Variants in RYR3 observed in about 807,000 individuals in gnomAD.
RYR3 encodes ryanodine receptor 3, also known as brain ryanodine receptor-calcium release channel.
A neutral mutation model predicts 584.3 loss-of-function variants in RYR3; 207 were observed. The observed-to-expected ratio is 0.35, with a 90% CI of 0.32 to 0.40. The LOEUF (loss-of-function observed/expected upper bound fraction) is 0.40. Among genes scored for constraint, RYR3 ranks in the 10% least tolerant of loss-of-function variants. The pLI is 1.00. For synonymous variants in RYR3, 2,416 were observed against 2,248.5 expected, an observed-to-expected ratio of 1.07 and a Z score of -2.11; for missense variants, 5,616 against 6,089.2, an observed-to-expected ratio of 0.92 and a Z score of 2.59.
chr15:33,504,841 A>G (rs548028465), intron 3 of RYR3, among the ~76,000 whole-genome samples: 68 of 152,216 alleles, frequency 4.5e-4, no homozygotes, highest in Admixed American at 2.7e-3. Context: ...TTCCTTCCAC[A>G]TGGAACAGCT....
At chr15:33,600,890 A>T (rs546650210) in intron 16 of RYR3, among the ~76,000 whole-genome samples, 2 of 152,244 alleles carry the variant, frequency 1.3e-5, no homozygotes, top group South Asian at 4.1e-4. Flanking sequence ...AGGCCTTAAA[A>T]TTTTGTTAAG....
At chr15:33,537,580 G>T (rs150984608) in intron 5 of RYR3, among the ~76,000 whole-genome samples, 2 of 152,280 alleles carry the variant, frequency 1.3e-5, no homozygotes, top group African/African-American at 2.4e-5. Context: ...CTAGCCAGTG[G>T]TCTGACTGTT....
At chr15:33,731,137 G>T (rs755087394) in intron 47 of RYR3, among the ~76,000 whole-genome samples, 3 of 152,078 alleles carry the variant, frequency 2.0e-5, no homozygotes, top group Non-Finnish European at 2.9e-5. Flanking sequence ...CAAAATGTTG[G>T]GTTAGACTGG....
At chr15:33,409,265 T>C (rs967571700) in intron 1 of RYR3, among the ~76,000 whole-genome samples, 2 of 151,846 alleles carry the variant, frequency 1.3e-5, no homozygotes, top group African/African-American at 4.8e-5. Flanking sequence ...ACATGTGCCA[T>C]GTTGGTGTGC....
At chr15:33,807,469 C>A in intron 69 of RYR3, 86 bp from the exon 70 acceptor site, 1 of 1,317,662 alleles carries the variant, frequency 7.6e-7, no homozygotes, top group Non-Finnish European at 1.1e-6. Context: ...GAAGCTATAA[C>A]TAACATATGG....
intron 75 of RYR3, among the ~76,000 whole-genome samples, chr15:33,818,035 G>A (rs1217873233): frequency 6.6e-6 from 1 of 152,212 alleles, no homozygotes; most frequent in African/African-American, 2.4e-5. Flanking sequence ...GGAGCAACAA[G>A]AATTTTAGAA....
At chr15:33,593,120 A>G (rs915099636) in intron 16 of RYR3, among the ~76,000 whole-genome samples, 4 of 152,228 alleles carry the variant, frequency 2.6e-5, no homozygotes, top group East Asian at 1.9e-4. Context: ...AAAGGAGGCA[A>G]TCAGATATGC....
intron 3 of RYR3, 32 bp from the exon 4 acceptor site, chr15:33,530,560 T>TGTGC (rs757241890): frequency 2.6e-6 from 4 of 1,514,948 alleles, no homozygotes; most frequent in Non-Finnish European, 3.7e-6. Context: ...ACAACGGGCA[T>TGTGC]GTGCTGACCT....
At chr15:33,793,649 G>C (rs544864222) in intron 67 of RYR3, among the ~76,000 whole-genome samples, 1 of 152,134 alleles carries the variant, frequency 6.6e-6, no homozygotes, top group South Asian at 2.1e-4. Flanking sequence ...CCCTTCTAAA[G>C]TTTAAGGCCC....
chr15:33,381,254 A>G (rs2041171544), intron 1 of RYR3, among the ~76,000 whole-genome samples: 3 of 152,144 alleles, frequency 2.0e-5, no homozygotes, highest in Admixed American at 6.5e-5. Context: ...CCCGAGACCC[A>G]TATGTTACAG....
intron 17 of RYR3, among the ~76,000 whole-genome samples, 173 bp from the exon 18 acceptor site, chr15:33,602,950 T>C (rs1407894057): frequency 1.3e-5 from 2 of 152,134 alleles, no homozygotes; most frequent in African/African-American, 2.4e-5. Flanking sequence ...TTACCCAGGC[T>C]GATCCCAGAC....
At chr15:33,783,380 T>C (rs2074499736) in intron 65 of RYR3, among the ~76,000 whole-genome samples, 1 of 152,244 alleles carries the variant, frequency 6.6e-6, no homozygotes, top group Non-Finnish European at 1.5e-5. Flanking sequence ...CAGCTGAGGC[T>C]GTTTTTCTAG....
In RYR3 at chr15:33,533,297, CTCT is replaced by C. The variant is rs2055039119; in HGVS notation, c.355-9_355-7del. 1.9e-6 allele frequency: 3 copies of C among 1,579,142 alleles called. No homozygotes were observed. The highest frequency in any genetic ancestry group is 2.6e-6 in the Non-Finnish European group (3 of 1,157,508). On this transcript the variant is annotated splice_polypyrimidine_tract_variant and intron_variant, in intron 4 of 103. Coordinates refer to ENST00000634891, the MANE Select transcript of RYR3 (RefSeq NM_001036.6). ...AAGAGTGTGACTTCACTAGTATTTG[CTCT>C]TCTTTCACAGTATCTAACATGCTTG...
In RYR3 at chr15:33,662,145, G is replaced by A. The variant is rs1217054191; in HGVS notation, c.4623-8G>A. On this transcript the variant is annotated splice_polypyrimidine_tract_variant and splice_region_variant and intron_variant, in intron 34 of 103. Coordinates refer to ENST00000634891, the MANE Select transcript of RYR3 (RefSeq NM_001036.6). The stretch of plus-strand genomic sequence containing the variant: ...CCTGGTGTGGCTGATTGCTCGTCCT[G>A]TCCTCAGGTGTGTGGATATCCTGGA... 1 of 1,574,174 alleles carries A rather than the reference G, an allele frequency of 6.4e-7. No homozygotes were observed. The highest frequency in any genetic ancestry group is 2.3e-5 in the East Asian group (1 of 44,138).
intron 5 of RYR3, among the ~76,000 whole-genome samples, chr15:33,536,231 G>T: frequency 6.6e-6 from 1 of 152,118 alleles, no homozygotes; most frequent in East Asian, 1.9e-4. Context: ...TGAAACTATA[G>T]GAGAATATGA....
chr15:33,777,348 G>A (rs1268474284), intron 64 of RYR3, among the ~76,000 whole-genome samples: 1 of 152,184 alleles, frequency 6.6e-6, no homozygotes, highest in African/African-American at 2.4e-5. Context: ...ATTAATAACA[G>A]CAAGTCTTTG....
At position 33,785,916 on chromosome 15, in the gene RYR3, A is replaced by G. The variant is rs370715385; in HGVS notation, c.9523A>G (p.Asn3175Asp). Reference sequence around the variant, plus strand: ...TGAACACCTCAGTCTCATCCTGGGCAACATTCTGAAAATCATCAACAACAA... The same window carrying G: ...TGAACACCTCAGTCTCATCCTGGGCGACATTCTGAAAATCATCAACAACAA... ...TSEHLSLILG[N>D]ILKIINNNLG... Residue 3175 changes from asparagine to aspartate, a missense_variant, in exon 66 of 104, where the codon AAC (asparagine) becomes GAC (aspartate). By Grantham distance (23) the Asn-to-Asp change is conservative. Transcript: ENST00000634891. The G allele has an allele frequency of 2.4e-5, 38 of 1,611,262 alleles. No individual in the cohort carries two copies. The highest frequency in any genetic ancestry group is 1.7e-5 in the Admixed American group (1 of 59,846).
chr15:33,536,631 C>A (rs62012298), intron 5 of RYR3, among the ~76,000 whole-genome samples: 69,744 of 151,900 alleles, frequency 0.46, 16,810 homozygotes, highest in Admixed American at 0.59. Context: ...GGACACCCTT[C>A]GGTGGTCTCA....
chr15:33,450,107 A>AAAAAAAAAAAAC, intron 1 of RYR3, among the ~76,000 whole-genome samples: 1 of 144,964 alleles, frequency 6.9e-6, no homozygotes, highest in Admixed American at 6.8e-5. Flanking sequence ...AAAAAAAAAA[A>AAAAAAAAAAAAC]AAAAGCCGGC....
Sources: gnomAD v4.1 joint callset for allele counts (sites outside exome capture counted in the v4.1 genomes callset) on GRCh38, gnomAD v4.1.1 for gene constraint, MANE v1.5 for transcripts, NCBI Gene and HGNC (gene_info 2026-07-23, HGNC 2026-07-21) for gene names.